STYXL2: variants seen among roughly 807,000 people sequenced by gnomAD.
The protein encoded by STYXL2 is serine/threonine/tyrosine interacting like 2.
A neutral mutation model predicts 52.4 loss-of-function variants in STYXL2; 44 were observed. The observed-to-expected ratio is 0.84, with a 90% CI of 0.66 to 1.08. STYXL2 has a LOEUF of 1.08. STYXL2 is among the 50% of genes least tolerant of loss of function. The probability of loss-of-function intolerance (pLI) is 0.00; values close to 1 mark genes in which losing one functional copy is unlikely to be tolerated. For missense variants in STYXL2, 1,604 were observed against 1,471.7 expected (o/e 1.09, Z -1.47); for synonymous variants, 604 against 586.9 (o/e 1.03, Z -0.42).
rs775566671 is a variant in STYXL2 at position 167,117,438 on chromosome 1, G to C, written c.316G>C (p.Asp106His). 5.6e-6 allele frequency: 9 copies of C among 1,612,448 alleles called. No individual in the cohort carries two copies. Among genetic ancestry groups the C allele is most frequent in the African/African-American group, 2.7e-5 (2 of 74,894 alleles). The change falls in exon 4 of 6, where the codon GAC becomes CAC. Residue 106 changes from aspartate to histidine, a missense_variant. Asp to His is a moderately conservative substitution (Grantham distance 81, BLOSUM62 -1). Coordinates refer to ENST00000361200, the MANE Select transcript of STYXL2 (RefSeq NM_001080426.3). ...CAACCGCGTCAGGGAGAAGATGGAT[G>C]ACACCAGCCTCTATAATACGCCCTG... ...LYNRVREKMDDTSLYNTPCVL... is the reference protein window; with the variant it reads ...LYNRVREKMDHTSLYNTPCVL...
At chr1:167,094,746 C>T in intron 1 of STYXL2, 88 bp from the exon 2 acceptor site, 1 of 878,602 alleles carries the variant, frequency 1.1e-6, no homozygotes, top group Non-Finnish European at 1.8e-6. Context: ...CCTAGTTCCA[C>T]TGAGGTGACA....
intron 3 of STYXL2, among the ~76,000 whole-genome samples, chr1:167,116,062 G>A (rs1667715721): frequency 6.6e-6 from 1 of 152,188 alleles, no homozygotes; most frequent in Non-Finnish European, 1.5e-5. Context: ...CATCAGGGAA[G>A]AGATGGTGCC....
At chr1:167,115,859 G>A (rs1445407802) in intron 3 of STYXL2, among the ~76,000 whole-genome samples, 1 of 152,140 alleles carries the variant, frequency 6.6e-6, no homozygotes, top group Admixed American at 6.5e-5. Context: ...CCTCAGGGGG[G>A]TTAGAGGAGG....
chr1:167,106,318 T>C (rs1667506561), intron 2 of STYXL2, among the ~76,000 whole-genome samples: 2 of 152,166 alleles, frequency 1.3e-5, no homozygotes, highest in South Asian at 4.1e-4. Context: ...TTTCAGTCTG[T>C]ATCAGTTGCT....
At chr1:167,104,942 G>A (rs1558019217) in intron 2 of STYXL2, among the ~76,000 whole-genome samples, 1 of 152,172 alleles carries the variant, frequency 6.6e-6, no homozygotes, top group Non-Finnish European at 1.5e-5. Flanking sequence ...TTAAAGCAAC[G>A]GCTTTCAAAC....
chr1:167,106,790 C>T (rs1339811649), intron 2 of STYXL2, among the ~76,000 whole-genome samples: 1 of 152,164 alleles, frequency 6.6e-6, no homozygotes, highest in Non-Finnish European at 1.5e-5. Context: ...TTTGTTGTTG[C>T]TTCCCATCTG....
intron 5 of STYXL2, 25 bp downstream of exon 5, chr1:167,119,491 C>T: frequency 6.2e-7 from 1 of 1,602,554 alleles, no homozygotes; most frequent in Non-Finnish European, 8.5e-7. Flanking sequence ...CCGCTCCAGG[C>T]TGCTGGAATT....
intron 2 of STYXL2, among the ~76,000 whole-genome samples, chr1:167,108,869 G>C (rs1167345309): frequency 6.6e-6 from 1 of 152,226 alleles, no homozygotes; most frequent in South Asian, 2.1e-4. Context: ...GAGGGGGAAA[G>C]TCTGCCTCCA....
intron 2 of STYXL2, among the ~76,000 whole-genome samples, chr1:167,104,320 C>G (rs545165479): frequency 6.4e-4 from 98 of 152,194 alleles, no homozygotes; most frequent in African/African-American, 2.1e-3. Context: ...AAAATCCGTT[C>G]CTTGCTTTGG....
chr1:167,128,825 C>CT lies in STYXL2; in HGVS notation c.*217_*218insT, dbSNP rs3834066. On this transcript the variant is annotated 3_prime_UTR_variant, in exon 6 of 6. Transcript: ENST00000361200. ...TCAATACGAATACGAGGTCCGAATG[C>CT]GGACCAACTGATACCATTTTCTGTT... is the stretch of plus-strand genomic sequence containing the variant. 126,140 of 668,592 alleles carry CT rather than the reference C, an allele frequency of 0.19. 16,139 individuals carry two copies. The highest frequency in any genetic ancestry group is 0.53 in the African/African-American group (28,895 of 54,960). 41.4% of individuals were successfully genotyped at this position (668,592 alleles called of 1,614,324 possible).
chr1:167,123,974 A>G (rs1667909073), intron 5 of STYXL2, among the ~76,000 whole-genome samples: 1 of 150,782 alleles, frequency 6.6e-6, no homozygotes, highest in Non-Finnish European at 1.5e-5. Context: ...CTGGAATGCA[A>G]TGGGACAATC....
chr1:167,101,774 C>G (rs770148888), intron 2 of STYXL2, among the ~76,000 whole-genome samples: 2 of 145,254 alleles, frequency 1.4e-5, no homozygotes, highest in Non-Finnish European at 3.0e-5. Flanking sequence ...GCACTTCAGC[C>G]TAGGCAACAG....
At chr1:167,117,651 C>G in intron 4 of STYXL2, 92 bp downstream of exon 4, 4 of 1,182,864 alleles carry the variant, frequency 3.4e-6, no homozygotes, top group Non-Finnish European at 4.8e-6. Flanking sequence ...CCAAAGGCGC[C>G]CATAGGTCCA....
In STYXL2 at chr1:167,128,775, G is replaced by A; in HGVS notation, c.*167G>A. The A allele has an allele frequency of 8.7e-7, 1 of 1,151,416 alleles. No homozygotes were observed. Among genetic ancestry groups the A allele is most frequent in the Non-Finnish European group, 1.2e-6 (1 of 845,648 alleles). 71.3% of individuals were successfully genotyped at this position (1,151,416 alleles called of 1,614,324 possible). A position where few individuals can be genotyped will look rare whatever the true frequency, so the allele number is the denominator to read the frequency against. ...ATAAGGGCAGCAGAGGTGGAGTAGG[G>A]AGGAGGCAAGGAGGGGGAGAACCAT... On this transcript the variant is annotated 3_prime_UTR_variant, in exon 6 of 6. Coordinates refer to ENST00000361200, the MANE Select transcript of STYXL2 (RefSeq NM_001080426.3).
At chr1:167,119,177 G>C (rs552108094) in intron 4 of STYXL2, 72 bp from the exon 5 acceptor site, 1 of 1,452,802 alleles carries the variant, frequency 6.9e-7, no homozygotes, top group African/African-American at 1.4e-5. Context: ...GCTGAGGCAG[G>C]CTCACCGTCA....
chr1:167,119,568 C>A, intron 5 of STYXL2, 102 bp downstream of exon 5: 1 of 985,258 alleles, frequency 1.0e-6, no homozygotes, highest in Non-Finnish European at 1.5e-6. Flanking sequence ...TGAGGGGTAT[C>A]TGTCTTAAGA....
In STYXL2 at chr1:167,122,064, A is replaced by G. The variant is rs192242785; in HGVS notation, c.655+2598A>G. 3.2e-4 allele frequency among the ~76,000 whole-genome samples: 49 copies of G among 152,252 alleles called. 1 individual carries two copies. Among genetic ancestry groups the G allele is most frequent in the Non-Finnish European group, 1.5e-4 (10 of 68,010 alleles). The stretch of plus-strand genomic sequence containing the variant: ...TTTACATGATAATCACAAAGAGCCT[A>G]TGAGGGGGTGTTGTTATTTACATTG... On this transcript the variant is annotated intron_variant, in intron 5 of 5. Coordinates refer to ENST00000361200, the MANE Select transcript of STYXL2 (RefSeq NM_001080426.3).
In STYXL2 at chr1:167,127,370, C is replaced by G. The variant is rs538182309; in HGVS notation, c.2239C>G (p.Arg747Gly). The G allele has an allele frequency of 6.2e-7, 1 of 1,614,160 alleles. No homozygotes were observed. Among genetic ancestry groups the G allele is most frequent in the Non-Finnish European group, 8.5e-7 (1 of 1,180,038 alleles). Residue 747 changes from arginine to glycine, a missense_variant, in exon 6 of 6, where the codon CGC becomes GGC. Coordinates refer to ENST00000361200, the MANE Select transcript of STYXL2 (RefSeq NM_001080426.3). The stretch of plus-strand genomic sequence containing the variant: ...GCAAAATGAAATGCTGCTGTTGTCC[C>G]GCTCACCGTCTGTTGCAAGCATGAA... The part of the protein sequence containing the change: ...QKQNEMLLLS[R>G]SPSVASMKAV...
At chr1:167,118,157 T>C (rs1667770958) in intron 4 of STYXL2, among the ~76,000 whole-genome samples, 1 of 152,248 alleles carries the variant, frequency 6.6e-6, no homozygotes, top group Non-Finnish European at 1.5e-5. Context: ...CTTTAACTTG[T>C]ACAGGTTTCC....
Sources: allele counts gnomAD v4.1 joint callset (sites outside exome capture counted in the v4.1 genomes callset), GRCh38; gene constraint gnomAD v4.1.1; transcripts MANE v1.5; gene names NCBI Gene and HGNC (gene_info 2026-07-23, HGNC 2026-07-21).